Variants in USP25 observed in about 807,000 individuals in gnomAD.
The protein encoded by USP25 is ubiquitin carboxyl-terminal hydrolase 25.
USP25 carries 85 observed loss-of-function variants against 158.5 expected under a neutral mutation model. That is an observed-to-expected ratio of 0.54 (90% confidence interval 0.45 to 0.64). USP25 has a LOEUF of 0.64. Among genes scored for constraint, USP25 ranks in the 30% least tolerant of loss-of-function variants. USP25 has a pLI of 0.00. For synonymous variants in USP25, 464 were observed against 460.4 expected (o/e 1.01, Z -0.10); for missense variants, 1,242 against 1,327.3 (o/e 0.94, Z 1.00).
intron 4 of USP25, among the ~76,000 whole-genome samples, chr21:15,784,628 G>T (rs2035172374): frequency 1.3e-5 from 2 of 152,098 alleles, no homozygotes; most frequent in South Asian, 4.1e-4. Context: ...ATCATGGTGG[G>T]GTAGGGGAGT....
intron 9 of USP25, among the ~76,000 whole-genome samples, chr21:15,812,741 G>A (rs1431299591): frequency 6.6e-6 from 1 of 152,104 alleles, no homozygotes; most frequent in Non-Finnish European, 1.5e-5. Context: ...GTTATATAAA[G>A]GTGGCCTTAA....
chr21:15,856,449 AAGT>A (rs2039141658), intron 20 of USP25, among the ~76,000 whole-genome samples: 1 of 152,032 alleles, frequency 6.6e-6, no homozygotes, highest in African/African-American at 2.4e-5. Context: ...ATTTAAATAA[AAGT>A]AGGAGTATAC....
At chr21:15,800,092 C>T (rs981701378) in intron 6 of USP25, among the ~76,000 whole-genome samples, 1 of 150,942 alleles carries the variant, frequency 6.6e-6, no homozygotes, top group Non-Finnish European at 1.5e-5. Context: ...TTGGGGGGGA[C>T]TGTCAAATTT....
intron 1 of USP25, chr21:15,744,990 GCTGA>G (rs1480895982): frequency 6.6e-6 from 1 of 152,236 alleles, no homozygotes; most frequent in Non-Finnish European, 1.5e-5. Flanking sequence ...AAGCAAGAGG[GCTGA>G]CTGACCACTT....
At chr21:15,796,975 A>G (rs1434423112) in intron 5 of USP25, among the ~76,000 whole-genome samples, 3 of 151,542 alleles carry the variant, frequency 2.0e-5, no homozygotes, top group Non-Finnish European at 3.0e-5. Context: ...AACAAAATGT[A>G]AATTTCAGAA....
At chr21:15,805,288 A>G in intron 7 of USP25, 30 bp downstream of exon 7, 1 of 1,553,006 alleles carries the variant, frequency 6.4e-7, no homozygotes, top group Admixed American at 2.1e-5. Context: ...TTGTTCATTA[A>G]CCATTTGTAT....
At chr21:15,847,275 A>G (rs936746052) in intron 18 of USP25, among the ~76,000 whole-genome samples, 2 of 152,222 alleles carry the variant, frequency 1.3e-5, no homozygotes, top group African/African-American at 2.4e-5. Context: ...AGACAATAAT[A>G]GAAAATACAA....
chr21:15,764,976 A>T (rs1451684154), intron 2 of USP25, among the ~76,000 whole-genome samples: 1 of 152,100 alleles, frequency 6.6e-6, no homozygotes. Context: ...ACATTTAATA[A>T]GATAGCAATA....
rs774943583 is a variant in USP25, at chr21:15,831,434, G to A, written c.1798G>A (p.Glu600Lys). The change falls in exon 16 of 26, where the codon GAA (glutamate) becomes AAA (lysine). Residue 600 changes from glutamate (E) to lysine (K), a missense_variant. Transcript: ENST00000400183. ...PYRLHAVLVH[E>K]GQANAGHYWA... ...TCGATTACATGCCGTTTTAGTTCAC[G>A]AAGGCCAAGCTAATGCTGGGCACTA... The A allele has an allele frequency of 4.3e-6, 7 of 1,613,704 alleles. No individual in the cohort carries two copies. Among genetic ancestry groups the A allele is most frequent in the Admixed American group, 3.3e-5 (2 of 59,984 alleles).
chr21:15,792,487 T>C (rs1219827581), intron 5 of USP25, among the ~76,000 whole-genome samples: 2 of 151,730 alleles, frequency 1.3e-5, no homozygotes, highest in Non-Finnish European at 3.0e-5. Context: ...TATAGCTTAT[T>C]ATTTCATGTT....
intron 18 of USP25, 44 bp from the exon 19 acceptor site, chr21:15,847,619 C>T (rs2038684247): frequency 1.5e-6 from 2 of 1,358,158 alleles, no homozygotes; most frequent in South Asian, 2.5e-5. Flanking sequence ...TTGTTCTCCA[C>T]TGTTCTCTTT....
intron 10 of USP25, among the ~76,000 whole-genome samples, chr21:15,819,945 G>A (rs9983248): frequency 0.2 from 29,887 of 151,708 alleles, 4,517 homozygotes; most frequent in African/African-American, 0.43. Context: ...TCTCTACATC[G>A]TAGATCATCT....
intron 19 of USP25, 70 bp downstream of exon 19, chr21:15,847,846 C>G: frequency 1.0e-6 from 1 of 984,652 alleles, no homozygotes; most frequent in Non-Finnish European, 1.5e-6. Context: ...TTTGGGCATG[C>G]CTGCACCCTC....
chr21:15,810,989 C>T (rs944569718), intron 8 of USP25, 148 bp from the exon 9 acceptor site: 10 of 634,322 alleles, frequency 1.6e-5, no homozygotes, highest in South Asian at 2.0e-5. Context: ...CCTTGTGCAA[C>T]GTGGCACTGT....
chr21:15,762,967 A>C lies in USP25; in HGVS notation c.122A>C (p.Lys41Thr), dbSNP rs764648417. The C allele has an allele frequency of 6.2e-7, 1 of 1,610,762 alleles. No homozygotes were observed. The highest frequency in any genetic ancestry group is 2.2e-5 in the East Asian group (1 of 44,786). Residue 41 changes from lysine to threonine, a missense_variant and splice_region_variant, in exon 2 of 26, where the codon AAG (lysine) becomes ACG (threonine). Around this residue, in one of 3 missense-constraint regions of USP25, gnomAD observed 627 missense variants for 701.4 expected, o/e 0.89. Transcript: ENST00000400183. ...NDTQILQQALKDSNGNLELAV... is the reference protein window; with the variant it reads ...NDTQILQQALTDSNGNLELAV... ...ACCCAGATACTACAGCAAGCCTTGA[A>C]GGTATGGCCTCTGTTTTATGATATA...
chr21:15,742,297 A>G (rs1601247111), intron 1 of USP25, among the ~76,000 whole-genome samples: 1 of 152,122 alleles, frequency 6.6e-6, no homozygotes, highest in Non-Finnish European at 1.5e-5. Context: ...CTACATCCTC[A>G]CGGAAGTGGG....
intron 22 of USP25, among the ~76,000 whole-genome samples, chr21:15,869,132 A>G (rs2039776920): frequency 6.6e-6 from 1 of 152,010 alleles, no homozygotes; most frequent in African/African-American, 2.4e-5. Context: ...CCTGTAATTC[A>G]AGCTACTTGG....
rs987878139 is a variant in USP25, at chr21:15,766,273, A to G, written c.268+132A>G. ...ACTCTATTAACCTTGGTTCTTTTTA[A>G]TGTAGTTGAAAGGAACATACATTAT... On this transcript the variant is annotated intron_variant, in intron 3 of 25. Coordinates refer to ENST00000400183, the MANE Select transcript of USP25 (RefSeq NM_001283041.3). The surrounding 1 kb of genome is among the most constrained non-coding windows in gnomAD (Gnocchi z 4.0). The G allele has an allele frequency of 9.7e-6, 7 of 723,652 alleles. No individual in the cohort carries two copies. The highest frequency in any genetic ancestry group is 8.0e-6 in the Non-Finnish European group (4 of 499,434). 44.8% of individuals were successfully genotyped at this position (723,652 alleles called of 1,614,324 possible). A position where few individuals can be genotyped will look rare whatever the true frequency, so the allele number is the denominator to read the frequency against.
chr21:15,762,143 A>G (rs1031663191), intron 1 of USP25, among the ~76,000 whole-genome samples: 1 of 123,302 alleles, frequency 8.1e-6, no homozygotes, highest in African/African-American at 4.3e-5. Flanking sequence ...AAAGATTTCA[A>G]TAGATCCTAT....
Sources: gnomAD v4.1 joint callset for allele counts (sites outside exome capture counted in the v4.1 genomes callset) on GRCh38, gnomAD v4.1.1 for gene constraint, gnomAD v4.1.1 regional missense constraint, Gnocchi (gnomAD v3.1) non-coding constraint, MANE v1.5 for transcripts, NCBI Gene and HGNC (gene_info 2026-07-23, HGNC 2026-07-21) for gene names.